CDH9: variants seen among roughly 807,000 people sequenced by gnomAD.
The protein encoded by CDH9 is cadherin 9.
In CDH9, 28 loss-of-function variants were observed where a neutral mutation model predicts 70.9. The ratio of observed to expected loss-of-function variants is 0.40; its 90% CI spans 0.29 to 0.54. The LOEUF (loss-of-function observed/expected upper bound fraction) is 0.54. CDH9 is among the 20% of genes least tolerant of loss of function. The probability of loss-of-function intolerance (pLI) is 0.59; values close to 1 mark genes in which losing one functional copy is unlikely to be tolerated. For synonymous variants in CDH9, 409 were observed against 343.1 expected, an observed-to-expected ratio of 1.19 and a Z score of -2.12; for missense variants, 874 against 984.4, an observed-to-expected ratio of 0.89 and a Z score of 1.50.
intron 7 of CDH9, among the ~76,000 whole-genome samples, chr5:26,895,057 C>A (rs1049422794): frequency 6.6e-6 from 1 of 151,988 alleles, no homozygotes; most frequent in Non-Finnish European, 1.5e-5. Context: ...ATTATAGACA[C>A]CAGAATAAAT....
intron 1 of CDH9, among the ~76,000 whole-genome samples, chr5:27,022,374 C>G (rs937233487): frequency 1.3e-5 from 2 of 151,952 alleles, no homozygotes; most frequent in Admixed American, 1.3e-4. Context: ...ACGTTGTCTT[C>G]TTCAAAGGAT....
In CDH9 at chr5:26,885,955, T is replaced by A; in HGVS notation, c.1630+11A>T. 4 of 1,589,800 alleles carry A rather than the reference T, an allele frequency of 2.5e-6. No homozygotes were observed. The highest frequency in any genetic ancestry group is 3.4e-6 in the Non-Finnish European group (4 of 1,170,794). ...GTTTCATAATTTTTAGTTTTAGAAA[T>A]TTTCTTATACCTTTATTATCTACAA... On this transcript the variant is annotated intron_variant, in intron 10 of 11. Transcript: ENST00000231021.
chr5:26,913,637 C>A (rs1741092969), intron 3 of CDH9, among the ~76,000 whole-genome samples: 1 of 152,012 alleles, frequency 6.6e-6, no homozygotes, highest in Non-Finnish European at 1.5e-5. Context: ...GATTGCCTTA[C>A]AGAAAGATAG....
intron 2 of CDH9, among the ~76,000 whole-genome samples, chr5:26,932,492 G>T (rs1023081349): frequency 6.6e-6 from 1 of 151,960 alleles, no homozygotes; most frequent in African/African-American, 2.4e-5. Context: ...TCTGATTAGT[G>T]CATGCATGTT....
At chr5:26,982,764 C>A (rs974235422) in intron 2 of CDH9, among the ~76,000 whole-genome samples, 2 of 151,920 alleles carry the variant, frequency 1.3e-5, no homozygotes, top group South Asian at 4.2e-4. Flanking sequence ...CTCACTGCAA[C>A]CTCCGCCTCC....
At position 26,900,368 on chromosome 5, in the gene CDH9, A is replaced by G. The variant is rs187570282; in HGVS notation, c.1253+2108T>C. On this transcript the variant is annotated intron_variant, in intron 7 of 11. Transcript: ENST00000231021. The stretch of plus-strand genomic sequence containing the variant: ...AGTACTTCCATTTTACCAAATTTAG[A>G]CAAAAACATTACAGAAAAACAAAAC... 3.9e-3 allele frequency among the ~76,000 whole-genome samples: 593 copies of G among 152,186 alleles called. 3 individuals are homozygous for G. The highest frequency in any genetic ancestry group is 0.012 in the African/African-American group (501 of 41,562).
intron 1 of CDH9, among the ~76,000 whole-genome samples, chr5:27,012,410 T>C (rs1354383398): frequency 6.6e-6 from 1 of 151,968 alleles, no homozygotes; most frequent in Non-Finnish European, 1.5e-5. Context: ...AAATCTCTTT[T>C]CTTCAGTCTA....
chr5:26,928,608 A>G (rs561681521), intron 2 of CDH9, among the ~76,000 whole-genome samples: 21 of 152,216 alleles, frequency 1.4e-4, no homozygotes, highest in Middle Eastern at 3.4e-3. Context: ...ACGGAGTTAT[A>G]GTAACCAGAA....
At chr5:26,918,446 T>A (rs1032406493) in intron 2 of CDH9, among the ~76,000 whole-genome samples, 9 of 152,230 alleles carry the variant, frequency 5.9e-5, no homozygotes, top group Admixed American at 3.9e-4. Context: ...AGGGAAAGAC[T>A]GATATTCTTC....
rs927468952 is a variant in CDH9, at chr5:27,033,080, TA to T, written c.-50+5382del. On this transcript the variant is annotated intron_variant, in intron 1 of 11. Transcript: ENST00000231021. ...AAGAATAATTATTTCTAGATACAGT[TA>T]AAAAAATAAAATTCTAATTTTTCCT... Among the ~76,000 whole-genome samples, 6 of 151,236 alleles carry T rather than the reference TA, an allele frequency of 4.0e-5. No homozygotes were observed. In the East Asian group the frequency reaches 7.8e-4, roughly 20 times the overall value.
chr5:26,998,373 T>C (rs1261125206), intron 1 of CDH9, among the ~76,000 whole-genome samples: 2 of 152,174 alleles, frequency 1.3e-5, no homozygotes, highest in Non-Finnish European at 2.9e-5. Context: ...ATGTGGCACA[T>C]ATACACATGG....
intron 2 of CDH9, among the ~76,000 whole-genome samples, chr5:26,943,128 A>G (rs1227392414): frequency 6.6e-6 from 1 of 152,196 alleles, no homozygotes; most frequent in Non-Finnish European, 1.5e-5. Flanking sequence ...AGTGAAACAA[A>G]CAAAAACCAA....
In CDH9 at chr5:26,885,852, T is replaced by C. The variant is rs762181722; in HGVS notation, c.1644A>G (p.Gly548=). 2 of 1,613,928 alleles carry C rather than the reference T, an allele frequency of 1.2e-6. No homozygotes were observed. Among genetic ancestry groups the C allele is most frequent in the Non-Finnish European group, 1.7e-6 (2 of 1,179,904 alleles). The change falls in exon 11 of 12, where the codon GGA becomes GGG. Residue 548 remains glycine (G), a synonymous_variant. Coordinates refer to ENST00000231021, the MANE Select transcript of CDH9 (RefSeq NM_016279.4). The part of the protein sequence containing the change: ...TIVDNKDNTA[G]IMTRKDGYSR... ...TGTAGCCATCTTTCCGAGTCATGAT[T>C]CCTGCTGTATTATCTGGGGGAGAAA... is the stretch of plus-strand genomic sequence containing the variant.
At chr5:27,025,292 A>C (rs1169572760) in intron 1 of CDH9, among the ~76,000 whole-genome samples, 1 of 152,096 alleles carries the variant, frequency 6.6e-6, no homozygotes, top group Non-Finnish European at 1.5e-5. Context: ...CATTCTGCTA[A>C]AAGCTTAAAG....
At position 26,970,635 on chromosome 5, in the gene CDH9, A is replaced by C. The variant is rs564977025; in HGVS notation, c.228+17471T>G. Among the ~76,000 whole-genome samples, 17 of 152,230 alleles carry C rather than the reference A, an allele frequency of 1.1e-4. No individual in the cohort carries two copies. In the South Asian group the frequency reaches 2.3e-3, roughly 20 times the overall value. ...TAAATGATTGCAACAACTCCAAAGAAGTTTGATAGAATAATTGAGTATCCC... is the reference window on the plus strand; with the variant it reads ...TAAATGATTGCAACAACTCCAAAGACGTTTGATAGAATAATTGAGTATCCC... On this transcript the variant is annotated intron_variant, in intron 2 of 11. Coordinates refer to ENST00000231021, the MANE Select transcript of CDH9 (RefSeq NM_016279.4).
chr5:27,024,764 T>A (rs975529910), intron 1 of CDH9, among the ~76,000 whole-genome samples: 1 of 152,044 alleles, frequency 6.6e-6, no homozygotes, highest in Admixed American at 6.6e-5. Context: ...ACTTATGTTC[T>A]GACTAAGAGC....
intron 2 of CDH9, among the ~76,000 whole-genome samples, chr5:26,975,282 G>C (rs1742287091): frequency 6.6e-6 from 1 of 152,118 alleles, no homozygotes; most frequent in African/African-American, 2.4e-5. Flanking sequence ...ATTCCAATTT[G>C]AAGGTTTGAA....
intron 2 of CDH9, among the ~76,000 whole-genome samples, chr5:26,938,387 T>C (rs1741598135): frequency 6.6e-6 from 1 of 151,908 alleles, no homozygotes; most frequent in Non-Finnish European, 1.5e-5. Flanking sequence ...GCTTGTATAT[T>C]CAAAAAACTT....
At chr5:27,032,194 G>A (rs971712444) in intron 1 of CDH9, among the ~76,000 whole-genome samples, 1 of 151,204 alleles carries the variant, frequency 6.6e-6, no homozygotes, top group Admixed American at 6.6e-5. Flanking sequence ...CTTTATTATT[G>A]ATATTCACCA....
Sources: gnomAD v4.1 joint callset for allele counts (sites outside exome capture counted in the v4.1 genomes callset) on GRCh38, gnomAD v4.1.1 for gene constraint, MANE v1.5 for transcripts, NCBI Gene and HGNC (gene_info 2026-07-23, HGNC 2026-07-21) for gene names.